C18orf54: variants seen among roughly 807,000 people sequenced by gnomAD.
C18orf54 encodes the protein chromosome 18 open reading frame 54.
A neutral mutation model predicts 49.3 loss-of-function variants in C18orf54; 49 were observed. The ratio of observed to expected loss-of-function variants is 0.99; its 90% confidence interval spans 0.79 to 1.26. C18orf54 has a LOEUF of 1.26. Among genes scored for constraint, C18orf54 ranks in the 50% most tolerant of loss-of-function variants. The pLI, the probability that C18orf54 is intolerant of heterozygous loss-of-function variation, is 0.00. For missense variants in C18orf54, 687 were observed against 620.6 expected (o/e 1.11, Z -1.14); for synonymous variants, 211 against 216.6 (o/e 0.97, Z 0.23).
intron 6 of C18orf54, among the ~76,000 whole-genome samples, chr18:54,370,121 T>A (rs1311684826): frequency 6.6e-6 from 1 of 151,796 alleles, no homozygotes; most frequent in African/African-American, 2.4e-5. Context: ...CTAAAAAATA[T>A]AAAAAATGAG....
chr18:54,372,890 G>A (rs1248841121), intron 7 of C18orf54, among the ~76,000 whole-genome samples: 1 of 151,854 alleles, frequency 6.6e-6, no homozygotes, highest in African/African-American at 2.4e-5. Flanking sequence ...TAAGAGTTTT[G>A]TAATCCTCTA....
At chr18:54,364,824 T>C (rs776946695) in intron 5 of C18orf54, among the ~76,000 whole-genome samples, 5 of 151,990 alleles carry the variant, frequency 3.3e-5, no homozygotes, top group Non-Finnish European at 2.9e-5. Flanking sequence ...AAATCAAATA[T>C]GTCAATAAAG....
At position 54,360,722 on chromosome 18, in the gene C18orf54, A is replaced by T; in HGVS notation, c.150A>T (p.Gln50His). ...ATAAGCTGTACAGATCTGCTTCTCA[A>T]GCTCTACAGGCTTATATTGATGATT... is the stretch of plus-strand genomic sequence containing the variant. Reference protein sequence around the residue: ...YKDKLYRSASQALQAYIDDFD... With the variant: ...YKDKLYRSASHALQAYIDDFD... The change falls in exon 3 of 9, where the codon CAA (glutamine) becomes CAT (histidine). Residue 50 changes from glutamine (Q) to histidine (H), a missense_variant. Physicochemically the swap from Gln to His is conservative, Grantham distance 24. Transcript: ENST00000620105. 6.2e-7 allele frequency: 1 copy of T among 1,614,118 alleles called. No homozygotes were observed. The highest frequency in any genetic ancestry group is 8.5e-7 in the Non-Finnish European group (1 of 1,179,964).
Position 54,361,716 on chromosome 18 carries a change from C to T in C18orf54, c.357C>T (p.Asp119=), listed in dbSNP as rs1315095670. 1.9e-6 allele frequency: 3 copies of T among 1,613,802 alleles called. No individual in the cohort carries two copies. The African/African-American group carries it at 4.0e-5, about 22-fold the overall frequency. The part of the protein sequence containing the change: ...SCRRHTVNDI[D]SMSLTTDDLL... ...GAAGACACACCGTTAATGACATAGA[C>T]TCCATGAGCCTAACAACTGATGATC... The change falls in exon 4 of 9, where the codon GAC becomes GAT. Residue 119 remains aspartate, a synonymous_variant. Transcript: ENST00000620105.
chr18:54,375,683 G>T (rs2089558291), intron 8 of C18orf54, among the ~76,000 whole-genome samples: 1 of 151,700 alleles, frequency 6.6e-6, no homozygotes, highest in Non-Finnish European at 1.5e-5. Flanking sequence ...TTTACCATTT[G>T]CTAGAATTTT....
At chr18:54,376,472 T>C (rs916081660) in intron 8 of C18orf54, among the ~76,000 whole-genome samples, 1 of 150,718 alleles carries the variant, frequency 6.6e-6, no homozygotes, top group African/African-American at 2.4e-5. Flanking sequence ...GTGCTGGGAT[T>C]ACAGGCACGT....
intron 6 of C18orf54, among the ~76,000 whole-genome samples, chr18:54,367,481 A>T (rs908201878): frequency 1.5e-4 from 23 of 152,226 alleles, no homozygotes; most frequent in African/African-American, 4.3e-4. Flanking sequence ...TTCTGAAGGA[A>T]AGCTTTGCTC....
intron 6 of C18orf54, among the ~76,000 whole-genome samples, chr18:54,371,735 G>T (rs1390245194): frequency 1.3e-5 from 2 of 152,040 alleles, no homozygotes; most frequent in Non-Finnish European, 2.9e-5. Flanking sequence ...AGTACTTATG[G>T]TGCACAGTCT....
intron 1 of C18orf54, 37 bp from the exon 2 acceptor site, chr18:54,358,737 G>T (rs1280006319): frequency 2.6e-5 from 4 of 152,176 alleles, no homozygotes; most frequent in Non-Finnish European, 5.9e-5. Flanking sequence ...ATTCCCATTG[G>T]CTATTTAACA....
chr18:54,364,180 C>T (rs1241699859), intron 5 of C18orf54, among the ~76,000 whole-genome samples: 3 of 151,286 alleles, frequency 2.0e-5, no homozygotes, highest in African/African-American at 4.9e-5. Flanking sequence ...AATGAGTTCA[C>T]GTAATGCTTA....
chr18:54,362,105 A>C lies in C18orf54; in HGVS notation c.746A>C (p.Asn249Thr). 2 of 1,538,392 alleles carry C rather than the reference A, an allele frequency of 1.3e-6. No homozygotes were observed. The highest frequency in any genetic ancestry group is 1.7e-6 in the Non-Finnish European group (2 of 1,147,056). ...RWLTSQKSDL[N>T]VSGITSIPDF... Reference sequence around the variant, plus strand: ...CTCACTAGCCAGAAATCTGACCTTAATGTTTCAGGGATAACTAGTATACCT... The same window carrying C: ...CTCACTAGCCAGAAATCTGACCTTACTGTTTCAGGGATAACTAGTATACCT... The change falls in exon 4 of 9, where the codon AAT becomes ACT. Residue 249 changes from asparagine to threonine, a missense_variant. Asn to Thr is a moderately conservative substitution (Grantham distance 65, BLOSUM62 0). Transcript: ENST00000620105.
chr18:54,378,057 T>G, intron 8 of C18orf54, 117 bp from the exon 9 acceptor site: 1 of 555,922 alleles, frequency 1.8e-6, no homozygotes, highest in South Asian at 4.7e-5. Flanking sequence ...TATATAAATT[T>G]ACTTCTCATA....
Position 54,365,702 on chromosome 18 carries a change from CT to C in C18orf54, c.1224-14del. On this transcript the variant is annotated splice_polypyrimidine_tract_variant and intron_variant, in intron 5 of 8. Coordinates refer to ENST00000620105, the MANE Select transcript of C18orf54 (RefSeq NM_001288980.2). Reference sequence around the variant, plus strand: ...GGGAACTTAATTGCTATCTTGCATCCTTTAAATCCTGTTTAGCAAATCTCCT... The same window carrying C: ...GGGAACTTAATTGCTATCTTGCATCCTTAAATCCTGTTTAGCAAATCTCCT... 1 of 1,486,852 alleles carries C rather than the reference CT, an allele frequency of 6.7e-7. No homozygotes were observed. Among genetic ancestry groups the C allele is most frequent in the South Asian group, 1.2e-5 (1 of 80,494 alleles). The allele number at this position is 1,486,852 out of a possible 1,614,324, so 92.1% of individuals were successfully genotyped here.
chr18:54,372,349 C>A, intron 6 of C18orf54, 117 bp from the exon 7 acceptor site: 1 of 992,110 alleles, frequency 1.0e-6, no homozygotes, highest in Non-Finnish European at 1.4e-6. Flanking sequence ...ACTTTATTGA[C>A]ATACATTGTT....
At chr18:54,361,512 G>C in intron 3 of C18orf54, 131 bp from the exon 4 acceptor site, 2 of 741,150 alleles carry the variant, frequency 2.7e-6, no homozygotes, top group Non-Finnish European at 4.2e-6. Context: ...ACCTTTTTAT[G>C]CTTTTAATCA....
Position 54,370,914 on chromosome 18 carries a change from G to A in C18orf54, c.1327-1552G>A, listed in dbSNP as rs542828182. On this transcript the variant is annotated intron_variant, in intron 6 of 8. Coordinates refer to ENST00000620105, the MANE Select transcript of C18orf54 (RefSeq NM_001288980.2). ...AGATGCTATCTCCCAGGGTGTAGGAGTATATCCTAACTGGATCCTTTTACC... is the reference window on the plus strand; with the variant it reads ...AGATGCTATCTCCCAGGGTGTAGGAATATATCCTAACTGGATCCTTTTACC... Among the ~76,000 whole-genome samples, 6 of 151,368 alleles carry A rather than the reference G, an allele frequency of 4.0e-5. No homozygotes were observed. In the South Asian group the frequency reaches 1.3e-3, roughly 32 times the overall value.
In C18orf54 at chr18:54,363,446, T is replaced by A. The variant is rs190614172; in HGVS notation, c.1223+525T>A. 3.3e-3 allele frequency among the ~76,000 whole-genome samples: 503 copies of A among 152,176 alleles called. 3 individuals are homozygous for A. Among genetic ancestry groups the A allele is most frequent in the African/African-American group, 0.011 (452 of 41,540 alleles). ...CATTCTCCTGCCTCAGCCTCCCCAG[T>A]AGGTGGGATTACAGGCCTGCACCAC... On this transcript the variant is annotated intron_variant, in intron 5 of 8. Transcript: ENST00000620105.
intron 2 of C18orf54, among the ~76,000 whole-genome samples, 151 bp from the exon 3 acceptor site, chr18:54,360,376 C>T (rs753792649): frequency 3.3e-5 from 5 of 152,018 alleles, no homozygotes; most frequent in Admixed American, 6.5e-5. Context: ...ATAAATATAA[C>T]AAAAATCTAC....
rs1014627474 is a variant in C18orf54 at position 54,358,088 on chromosome 18, T to G, written c.-144+13T>G. ...GAGCTGTGGAAGTGTGCGGTTTTTGTTTTTGTTTTCCTTTATTTTTATTTT... is the reference window on the plus strand; with the variant it reads ...GAGCTGTGGAAGTGTGCGGTTTTTGGTTTTGTTTTCCTTTATTTTTATTTT... On this transcript the variant is annotated intron_variant, in intron 1 of 8. Coordinates refer to ENST00000620105, the MANE Select transcript of C18orf54 (RefSeq NM_001288980.2). 1.3e-5 allele frequency: 2 copies of G among 152,720 alleles called. No homozygotes were observed. Among genetic ancestry groups the G allele is most frequent in the African/African-American group, 4.8e-5 (2 of 41,442 alleles). The allele number at this position is 152,720 out of a possible 1,614,324, so 9.5% of individuals were successfully genotyped here. A position where few individuals can be genotyped will look rare whatever the true frequency, so the allele number is the denominator to read the frequency against.
Sources: allele counts gnomAD v4.1 joint callset (sites outside exome capture counted in the v4.1 genomes callset), GRCh38; gene constraint gnomAD v4.1.1; transcripts MANE v1.5; gene names NCBI Gene and HGNC (gene_info 2026-07-23, HGNC 2026-07-21).